PHF8: variants seen among roughly 807,000 people sequenced by gnomAD.
The protein encoded by PHF8 is histone lysine demethylase PHF8.
Under a neutral mutation model 74.4 loss-of-function variants are expected in PHF8, and 9 were observed. The ratio of observed to expected loss-of-function variants is 0.12; its 90% CI spans 0.07 to 0.21. The LOEUF is 0.21. Ranked by LOEUF, PHF8 falls within the 10% of genes least tolerant of loss-of-function variation. The probability of loss-of-function intolerance (pLI) is 1.00; values close to 1 mark genes in which losing one functional copy is unlikely to be tolerated. For synonymous variants in PHF8, 311 were observed against 316.6 expected, an observed-to-expected ratio of 0.98 and a Z score of 0.19; for missense variants, 478 against 816.6, an observed-to-expected ratio of 0.59 and a Z score of 5.05.
At chrX:53,988,281 G>C (rs1187815756) in intron 14 of PHF8, among the ~76,000 whole-genome samples, 1 of 111,900 alleles carries the variant, frequency 8.9e-6, no homozygotes, top group African/African-American at 3.3e-5. Context: ...ATGATCAAAT[G>C]ATTTTTGACA....
intron 14 of PHF8, among the ~76,000 whole-genome samples, chrX:53,991,432 TGGGCGG>T (rs2065658301): frequency 9.2e-6 from 1 of 108,162 alleles, no homozygotes; most frequent in Non-Finnish European, 1.9e-5. Context: ...GAGACCGAGG[TGGGCGG>T]ATCACTCGAG....
intron 19 of PHF8, among the ~76,000 whole-genome samples, chrX:53,952,014 G>A (rs782065845): frequency 9.0e-6 from 1 of 110,942 alleles, no homozygotes; most frequent in South Asian, 3.9e-4. Flanking sequence ...GGCCAGGTGT[G>A]GTGGCTCATG....
intron 19 of PHF8, among the ~76,000 whole-genome samples, chrX:53,950,447 T>TA (rs1488727044): frequency 1.8e-5 from 2 of 112,834 alleles, no homozygotes; most frequent in African/African-American, 6.4e-5. Flanking sequence ...CTGCAAATTA[T>TA]AAGACCACAT....
chrX:54,021,454 ATTTTTT>A (rs1156928686), intron 4 of PHF8, among the ~76,000 whole-genome samples: 25 of 42,155 alleles, frequency 5.9e-4, no homozygotes, highest in African/African-American at 2.4e-3. Flanking sequence ...AGTTGCAATT[ATTTTTT>A]TTTTTTTTTT....
chrX:53,954,036 A>G (rs1191706481), intron 19 of PHF8, among the ~76,000 whole-genome samples: 1 of 112,253 alleles, frequency 8.9e-6, no homozygotes, highest in Non-Finnish European at 1.9e-5. Context: ...AAAAAGGTCA[A>G]TCCATCAACA....
intron 19 of PHF8, among the ~76,000 whole-genome samples, chrX:53,955,557 C>CTTTTTTTTTTTTTTTTTTTT (rs369969712): frequency 8.2e-5 from 6 of 72,986 alleles, no homozygotes; most frequent in Non-Finnish European, 1.2e-4. Flanking sequence ...CTCTTCTTTT[C>CTTTTTTTTTTTTTTTTTTTT]TTTTTTTTTT....
rs375320731 is a variant in PHF8, at chrX:53,961,857, T to G, written c.2539+987A>C. Among the ~76,000 whole-genome samples, 14 of 111,402 alleles carry G rather than the reference T, an allele frequency of 1.3e-4. No homozygotes were observed. The South Asian group carries it at 4.5e-3, about 36-fold the overall frequency. On this transcript the variant is annotated intron_variant, in intron 19 of 21. Coordinates refer to ENST00000338154, the MANE Select transcript of PHF8 (RefSeq NM_015107.3). ...CCTTCAGTGTGCTCATGTATCCTCG[T>G]ATGCATGATACTTTGCGATGTGACT... is the stretch of plus-strand genomic sequence containing the variant.
chrX:53,962,237 A>G (rs1170731220), intron 19 of PHF8, among the ~76,000 whole-genome samples: 3 of 112,046 alleles, frequency 2.7e-5, no homozygotes, highest in African/African-American at 9.7e-5. Context: ...CTACAGAATT[A>G]TGAAAAATTA....
chrX:54,044,240 G>A lies in PHF8; in HGVS notation c.-571C>T. 1.3e-6 allele frequency: 1 copy of A among 755,141 alleles called. No homozygotes were observed. Among genetic ancestry groups the A allele is most frequent in the Non-Finnish European group, 1.6e-6 (1 of 639,375 alleles). The allele number at this position is 755,141 out of a possible 1,213,427, so 62.2% of individuals were successfully genotyped here. A position where few individuals can be genotyped will look rare whatever the true frequency, so the allele number is the denominator to read the frequency against. On this transcript the variant is annotated 5_prime_UTR_variant, in exon 1 of 22. Coordinates refer to ENST00000338154, the MANE Select transcript of PHF8 (RefSeq NM_015107.3). The stretch of plus-strand genomic sequence containing the variant: ...AGATACTCGCGAGCAAACCAACGGG[G>A]AAAGAGATGAACCGGCCGCCACGTC...
intron 2 of PHF8, among the ~76,000 whole-genome samples, chrX:54,037,878 G>T (rs1446267459): frequency 4.5e-5 from 5 of 112,300 alleles, no homozygotes; most frequent in Non-Finnish European, 9.4e-5. Context: ...ACCTCTCAGG[G>T]AAACTAAGGC....
intron 20 of PHF8, chrX:53,943,277 C>T: frequency 1.1e-6 from 1 of 949,047 alleles, no homozygotes. Context: ...GACTGAACTA[C>T]ATAAGCATTT....
chrX:53,966,984 C>T (rs12401050), intron 18 of PHF8, among the ~76,000 whole-genome samples: 3,909 of 105,580 alleles, frequency 0.037, 86 homozygotes, highest in Non-Finnish European at 0.061. Context: ...AGGGAGGAGA[C>T]CCTCCGCCTG....
chrX:54,016,139 C>CTACCCTAGAAAATAT (rs1374795070), intron 6 of PHF8, among the ~76,000 whole-genome samples: 2 of 111,648 alleles, frequency 1.8e-5, no homozygotes, highest in African/African-American at 6.5e-5. Flanking sequence ...ACGTGAGCAG[C>CTACCCTAGAAAATAT]TACCCTAGAA....
At chrX:54,028,329 T>TG (rs1287438311) in intron 2 of PHF8, among the ~76,000 whole-genome samples, 6 of 111,766 alleles carry the variant, frequency 5.4e-5, no homozygotes, top group Non-Finnish European at 9.4e-5. Context: ...TAAAGCACTC[T>TG]GGCTTTTCCT....
chrX:54,005,897 A>G (rs2149858175), intron 8 of PHF8, among the ~76,000 whole-genome samples: 1 of 112,243 alleles, frequency 8.9e-6, no homozygotes, highest in East Asian at 2.8e-4. Flanking sequence ...CTGAAACTCT[A>G]AAGACCAGAA....
intron 2 of PHF8, among the ~76,000 whole-genome samples, chrX:54,027,983 A>C (rs782275140): frequency 1.2e-5 from 1 of 85,179 alleles, no homozygotes; most frequent in Non-Finnish European, 2.2e-5. Flanking sequence ...AACTATACAC[A>C]CCACACACAC....
rs188339593 is a variant in PHF8 at position 53,999,334 on chromosome X, A to G, written c.1233+536T>C. Among the ~76,000 whole-genome samples the G allele has an allele frequency of 2.1e-3, 233 of 112,539 alleles. 1 individual carries two copies. Among genetic ancestry groups the G allele is most frequent in the African/African-American group, 7.0e-3 (218 of 31,021 alleles). On this transcript the variant is annotated intron_variant, in intron 11 of 21. Coordinates refer to ENST00000338154, the MANE Select transcript of PHF8 (RefSeq NM_015107.3). ...TGTTTTCAGCTTACTTTATTGTAAT[A>G]ATACAGTATACAACACAAATAACAT...
chrX:54,001,743 T>C (rs1489755698), intron 10 of PHF8, among the ~76,000 whole-genome samples: 1 of 110,881 alleles, frequency 9.0e-6, no homozygotes, highest in Non-Finnish European at 1.9e-5. Context: ...AACAAGACCC[T>C]GTTCATACAA....
chrX:54,023,982 C>T lies in PHF8; in HGVS notation c.99-1139G>A, dbSNP rs782227167. On this transcript the variant is annotated intron_variant, in intron 2 of 21. Coordinates refer to ENST00000338154, the MANE Select transcript of PHF8 (RefSeq NM_015107.3). ...AATGGACTTCCTGGGATTAGGACTT[C>T]CCAACTAATAATCTTCCCAATATCC... Among the ~76,000 whole-genome samples the T allele has an allele frequency of 1.3e-3, 149 of 111,488 alleles. 1 individual carries two copies. The highest frequency in any genetic ancestry group is 2.5e-3 in the Non-Finnish European group (133 of 53,062).
Sources: gnomAD v4.1 joint callset for allele counts (sites outside exome capture counted in the v4.1 genomes callset) on GRCh38, gnomAD v4.1.1 for gene constraint, MANE v1.5 for transcripts, NCBI Gene and HGNC (gene_info 2026-07-23, HGNC 2026-07-21) for gene names.